The following AP3M2 variants were observed in gnomAD, a reference collection of about 807,000 sequenced individuals.
The protein encoded by AP3M2 is adaptor related protein complex 3 subunit mu 2.
In AP3M2, 28 loss-of-function variants were observed where a neutral mutation model predicts 41.6. The ratio of observed to expected loss-of-function variants is 0.67; its 90% confidence interval spans 0.50 to 0.92. The LOEUF (loss-of-function observed/expected upper bound fraction) is 0.92. Ranked by LOEUF, AP3M2 falls within the 40% of genes least tolerant of loss-of-function variation. The pLI, the probability that AP3M2 is intolerant of heterozygous loss-of-function variation, is 0.00. For synonymous variants in AP3M2, 193 were observed against 186.4 expected (o/e 1.04, Z -0.29); for missense variants, 427 against 521.4 (o/e 0.82, Z 1.76).
At chr8:42,159,719 T>G (rs1223778722) in intron 3 of AP3M2, among the ~76,000 whole-genome samples, 2 of 152,236 alleles carry the variant, frequency 1.3e-5, no homozygotes, top group Non-Finnish European at 2.9e-5. Context: ...TTTAATCAAA[T>G]TAATCATTCT....
intron 2 of AP3M2, chr8:42,155,983 A>G (rs769722494): frequency 3.5e-5 from 16 of 456,134 alleles, no homozygotes; most frequent in South Asian, 2.5e-4. Context: ...CTGTAGTACT[A>G]CTGTTCTGGA....
intron 5 of AP3M2, 28 bp from the exon 6 acceptor site, chr8:42,165,399 C>A: frequency 6.2e-7 from 1 of 1,610,304 alleles, no homozygotes; most frequent in Admixed American, 1.7e-5. Context: ...ATGCCCACTT[C>A]TTGCTTCTCC....
intron 3 of AP3M2, among the ~76,000 whole-genome samples, chr8:42,158,777 A>G (rs921012389): frequency 6.6e-6 from 1 of 151,810 alleles, no homozygotes; most frequent in Non-Finnish European, 1.5e-5. Flanking sequence ...TTATCCCATG[A>G]TGATGTCTTC....
At chr8:42,155,497 C>G (rs376105040) in intron 2 of AP3M2, among the ~76,000 whole-genome samples, 1 of 152,132 alleles carries the variant, frequency 6.6e-6, no homozygotes, top group Admixed American at 6.5e-5. Context: ...ATTGGGAAAT[C>G]TCATGTGCCT....
rs571605103 is a variant in AP3M2, at chr8:42,162,456, A to C, written c.583+38A>C. 4 of 1,571,640 alleles carry C rather than the reference A, an allele frequency of 2.5e-6. No homozygotes were observed. The South Asian group carries it at 4.7e-5, about 18-fold the overall frequency. ...AATATGTTCTCAGAAATATGAAAAT[A>C]GAAAGGGACCTCTTTCATATAATGC... On this transcript the variant is annotated intron_variant, in intron 4 of 8. Coordinates refer to ENST00000396926, the MANE Select transcript of AP3M2 (RefSeq NM_006803.4).
At chr8:42,163,633 T>G (rs1037340654) in intron 4 of AP3M2, among the ~76,000 whole-genome samples, 2 of 152,152 alleles carry the variant, frequency 1.3e-5, no homozygotes, top group African/African-American at 4.8e-5. Context: ...AAAAATCAGA[T>G]GCATAAGATT....
At chr8:42,166,722 G>A (rs1327626103) in intron 6 of AP3M2, among the ~76,000 whole-genome samples, 4 of 151,534 alleles carry the variant, frequency 2.6e-5, no homozygotes, top group East Asian at 3.9e-4. Flanking sequence ...AGCTATGATC[G>A]TGCCACTGCA....
intron 8 of AP3M2, chr8:42,168,349 A>T (rs1005580335): frequency 2.9e-6 from 1 of 350,106 alleles, no homozygotes; most frequent in Admixed American, 3.8e-5. Flanking sequence ...AGCTCTTTTC[A>T]TGTGTTTTCT....
chr8:42,159,936 GACAAATATTC>G (rs1209425745), intron 3 of AP3M2, among the ~76,000 whole-genome samples: 1 of 152,152 alleles, frequency 6.6e-6, no homozygotes, highest in Non-Finnish European at 1.5e-5. Flanking sequence ...TAGTACACAA[GACAAATATTC>G]ATACAGTAGA....
intron 3 of AP3M2, among the ~76,000 whole-genome samples, chr8:42,161,085 T>C (rs1216496125): frequency 6.6e-6 from 1 of 152,138 alleles, no homozygotes; most frequent in Non-Finnish European, 1.5e-5. Context: ...GGAGGATCAC[T>C]CATGCACAGG....
At position 42,154,714 on chromosome 8, in the gene AP3M2, C is replaced by A; in HGVS notation, c.27C>A (p.Asn9Lys). Residue 9 changes from asparagine to lysine, a missense_variant, in exon 2 of 9, where the codon AAC becomes AAA. Physicochemically the swap from Asn to Lys is moderately conservative, Grantham distance 94. This residue lies in a region of AP3M2 where 104 missense variants were observed against 93.8 expected (regional missense o/e 1.11). Transcript: ENST00000396926. Reference protein sequence around the residue: MIHSLFLINSSGDIFLEKH... With the variant: MIHSLFLIKSSGDIFLEKH... ...TGATCCATAGTCTTTTCTTGATCAA[C>A]TCCTCTGGAGACATTTTCCTGGAGA... The A allele has an allele frequency of 6.2e-7, 1 of 1,614,146 alleles. No individual in the cohort carries two copies. Among genetic ancestry groups the A allele is most frequent in the Non-Finnish European group, 8.5e-7 (1 of 1,180,014 alleles).
At position 42,169,054 on chromosome 8, in the gene AP3M2, G is replaced by A. The variant is rs773034283; in HGVS notation, c.1250G>A (p.Arg417Gln). Residue 417 changes from arginine to glutamine, a missense_variant, in exon 9 of 9, where the codon CGA (arginine) becomes CAA (glutamine). Arg to Gln is a conservative substitution (Grantham distance 43). This residue lies in a region of AP3M2 where 237 missense variants were observed against 284.9 expected (regional missense o/e 0.83). Coordinates refer to ENST00000396926, the MANE Select transcript of AP3M2 (RefSeq NM_006803.4). ...ACCAAAGCTGGGAAGTTCCAAGTTC[G>A]AACCTGAAGGGAGCATTTGCTGAGG... ...YMTKAGKFQVRT is the reference protein window; with the variant it reads ...YMTKAGKFQVQT 15 of 1,608,270 alleles carry A rather than the reference G, an allele frequency of 9.3e-6. No homozygotes were observed. The highest frequency in any genetic ancestry group is 5.1e-5 in the Admixed American group (3 of 59,170).
intron 6 of AP3M2, chr8:42,165,861 A>T (rs1804626308): frequency 3.9e-6 from 1 of 257,448 alleles, no homozygotes; most frequent in Non-Finnish European, 7.3e-6. Context: ...GTGTCTAAAC[A>T]AGAACATTAT....
chr8:42,165,073 T>A lies in AP3M2; in HGVS notation c.586T>A (p.Ser196Thr). ...EIDAIIDKSG[S>T]TITAEIQGVI... ...TTTTTGTCTTATTCCTGTCTCAGGCTCCACAATTACTGCTGAGATCCAGGG... is the reference window on the plus strand; with the variant it reads ...TTTTTGTCTTATTCCTGTCTCAGGCACCACAATTACTGCTGAGATCCAGGG... Residue 196 changes from serine to threonine, a missense_variant and splice_region_variant, in exon 5 of 9, where the codon TCC becomes ACC. Ser to Thr is a moderately conservative substitution (Grantham distance 58, BLOSUM62 1). This residue lies in a region of AP3M2 where 237 missense variants were observed against 284.9 expected (regional missense o/e 0.83). Transcript: ENST00000396926. 1 of 1,613,596 alleles carries A rather than the reference T, an allele frequency of 6.2e-7. No individual in the cohort carries two copies. The highest frequency in any genetic ancestry group is 8.5e-7 in the Non-Finnish European group (1 of 1,179,774).
chr8:42,166,508 T>TA (rs199965249), intron 6 of AP3M2, among the ~76,000 whole-genome samples: 1,720 of 137,188 alleles, frequency 0.013, 26 homozygotes, highest in South Asian at 0.056. Flanking sequence ...GAAAGCATTC[T>TA]AAAAAAATTA....
intron 3 of AP3M2, among the ~76,000 whole-genome samples, chr8:42,161,054 A>T (rs1486283461): frequency 6.6e-6 from 1 of 152,208 alleles, no homozygotes; most frequent in Admixed American, 6.5e-5. Flanking sequence ...CCTGTATCCA[A>T]TACTTTAGGA....
chr8:42,168,054 T>C (rs1464004003), intron 8 of AP3M2: 5 of 592,956 alleles, frequency 8.4e-6, no homozygotes, highest in Non-Finnish European at 1.5e-5. Context: ...GAAACAGTAT[T>C]GGTAGAAGGA....
intron 3 of AP3M2, 38 bp downstream of exon 3, chr8:42,158,150 C>T (rs1433266486): frequency 6.3e-6 from 10 of 1,592,560 alleles, no homozygotes; most frequent in Non-Finnish European, 6.9e-6. Context: ...AGTGGCCATC[C>T]TACAGCCTGA....
intron 3 of AP3M2, among the ~76,000 whole-genome samples, chr8:42,160,667 A>G (rs1487720860): frequency 6.6e-6 from 1 of 152,080 alleles, no homozygotes; most frequent in East Asian, 1.9e-4. Flanking sequence ...GTGTGCAATA[A>G]TGTTTATTTC....
Sources: gnomAD v4.1 joint callset for allele counts (sites outside exome capture counted in the v4.1 genomes callset) on GRCh38, gnomAD v4.1.1 for gene constraint, gnomAD v4.1.1 regional missense constraint, MANE v1.5 for transcripts, NCBI Gene and HGNC (gene_info 2026-07-23, HGNC 2026-07-21) for gene names.